The following ZFHX4 variants were observed in gnomAD, a reference collection of about 807,000 sequenced individuals.
ZFHX4 encodes zinc finger homeobox 4.
Under a neutral mutation model 267.6 loss-of-function variants are expected in ZFHX4, and 56 were observed. The ratio of observed to expected loss-of-function variants is 0.21; its 90% CI spans 0.17 to 0.26. The LOEUF is 0.26. ZFHX4 is among the 10% of genes least tolerant of loss of function. The pLI is 1.00. For missense variants in ZFHX4, 4,332 were observed against 4,420.0 expected, an observed-to-expected ratio of 0.98 and a Z score of 0.56; for synonymous variants, 1,778 against 1,665.6, an observed-to-expected ratio of 1.07 and a Z score of -1.64.
intron 3 of ZFHX4, among the ~76,000 whole-genome samples, chr8:76,739,240 T>C (rs1809252479): frequency 6.6e-6 from 1 of 152,186 alleles, no homozygotes; most frequent in Non-Finnish European, 1.5e-5. Flanking sequence ...TTCCTTTTTT[T>C]AAAAGTCCAT....
intron 1 of ZFHX4, among the ~76,000 whole-genome samples, chr8:76,683,471 GAC>G (rs1302374201): frequency 6.6e-6 from 1 of 150,862 alleles, no homozygotes; most frequent in East Asian, 2.0e-4. Context: ...GATTGACACT[GAC>G]TCAGACAGAG....
intron 4 of ZFHX4, among the ~76,000 whole-genome samples, chr8:76,829,035 C>T (rs1054124947): frequency 2.6e-5 from 4 of 152,096 alleles, no homozygotes; most frequent in Non-Finnish European, 5.9e-5. Context: ...TGCTTGGCAA[C>T]TTGAACATAT....
chr8:76,827,792 A>G (rs1362758379), intron 4 of ZFHX4, among the ~76,000 whole-genome samples: 1 of 152,206 alleles, frequency 6.6e-6, no homozygotes, highest in Non-Finnish European at 1.5e-5. Context: ...CTCCCTTACT[A>G]TATAAAAATA....
At chr8:76,805,092 T>G (rs901920749) in intron 4 of ZFHX4, among the ~76,000 whole-genome samples, 1 of 152,118 alleles carries the variant, frequency 6.6e-6, no homozygotes, top group Non-Finnish European at 1.5e-5. Context: ...GCTGAACTAA[T>G]CAGTGGCATA....
intron 4 of ZFHX4, among the ~76,000 whole-genome samples, chr8:76,783,169 T>C (rs1256419890): frequency 6.6e-6 from 1 of 152,030 alleles, no homozygotes; most frequent in Non-Finnish European, 1.5e-5. Flanking sequence ...CTTATAAAGA[T>C]AATTATTACT....
chr8:76,798,056 T>TA (rs1299360439), intron 4 of ZFHX4, among the ~76,000 whole-genome samples: 7 of 152,104 alleles, frequency 4.6e-5, no homozygotes, highest in South Asian at 4.1e-4. Context: ...ATTGAAACTT[T>TA]AAAAAATTTG....
At chr8:76,700,396 G>A (rs1016876011) in intron 1 of ZFHX4, among the ~76,000 whole-genome samples, 6 of 152,046 alleles carry the variant, frequency 3.9e-5, no homozygotes, top group Admixed American at 2.0e-4. Context: ...TCACTGGACC[G>A]TAGAAGAGGG....
intron 10 of ZFHX4, 91 bp downstream of exon 10, chr8:76,856,391 C>A: frequency 1.4e-6 from 2 of 1,418,904 alleles, no homozygotes; most frequent in South Asian, 1.2e-5. Context: ...CTTTGGATTT[C>A]TTTTAATTTC....
At chr8:76,787,738 G>A (rs1209056513) in intron 4 of ZFHX4, among the ~76,000 whole-genome samples, 3 of 151,748 alleles carry the variant, frequency 2.0e-5, no homozygotes, top group African/African-American at 4.8e-5. Context: ...GCGTGAACCC[G>A]GGAGGCAGAG....
intron 3 of ZFHX4, among the ~76,000 whole-genome samples, chr8:76,709,411 A>G (rs1429932075): frequency 6.6e-6 from 1 of 152,168 alleles, no homozygotes; most frequent in Non-Finnish European, 1.5e-5. Context: ...AATATAATAT[A>G]AAGGATTAAT....
chr8:76,705,399 G>T lies in ZFHX4; in HGVS notation c.1311G>T (p.Glu437Asp). The part of the protein sequence containing the change: ...HSSSESSKMS[E>D]SKDQENNCER... Reference sequence around the variant, plus strand: ...CGTCTGAGTCTAGCAAGATGTCAGAGAGCAAAGACCAAGAGAACAACTGTG... The same window carrying T: ...CGTCTGAGTCTAGCAAGATGTCAGATAGCAAAGACCAAGAGAACAACTGTG... Residue 437 changes from glutamate to aspartate, a missense_variant, in exon 2 of 11, where the codon GAG (glutamate) becomes GAT (aspartate). Glu to Asp is a conservative substitution (Grantham distance 45). Transcript: ENST00000651372. The T allele has an allele frequency of 6.2e-7, 1 of 1,613,848 alleles. No individual in the cohort carries two copies. The highest frequency in any genetic ancestry group is 8.5e-7 in the Non-Finnish European group (1 of 1,179,882).
intron 4 of ZFHX4, among the ~76,000 whole-genome samples, chr8:76,802,154 T>C: frequency 6.6e-6 from 1 of 152,178 alleles, no homozygotes; most frequent in East Asian, 1.9e-4. Flanking sequence ...GCTGCTGTTC[T>C]TCCCTCTTTC....
chr8:76,807,078 C>G (rs910088448), intron 4 of ZFHX4, among the ~76,000 whole-genome samples: 1 of 152,078 alleles, frequency 6.6e-6, no homozygotes, highest in African/African-American at 2.4e-5. Flanking sequence ...GCATCATGCA[C>G]TTTTTAGTAA....
chr8:76,789,429 A>T (rs917310472), intron 4 of ZFHX4, among the ~76,000 whole-genome samples: 2 of 152,206 alleles, frequency 1.3e-5, no homozygotes, highest in East Asian at 3.8e-4. Flanking sequence ...ATATGTGCAT[A>T]TCACGGTAGG....
At chr8:76,862,408 C>A (rs1812894672) in intron 10 of ZFHX4, among the ~76,000 whole-genome samples, 2 of 152,146 alleles carry the variant, frequency 1.3e-5, no homozygotes. Flanking sequence ...GGCAAGTTGT[C>A]AGGATGGTAA....
In ZFHX4 at chr8:76,714,284, G is replaced by C. The variant is rs190859671; in HGVS notation, c.3093+6236G>C. Among the ~76,000 whole-genome samples, 19 of 152,310 alleles carry C rather than the reference G, an allele frequency of 1.2e-4. No individual in the cohort carries two copies. The South Asian group carries it at 3.3e-3, about 27-fold the overall frequency. ...GACGCCATGCCATAATGCAGTGAAAGTCATATGTTAACCAGGCCTCACACT... is the reference window on the plus strand; with the variant it reads ...GACGCCATGCCATAATGCAGTGAAACTCATATGTTAACCAGGCCTCACACT... On this transcript the variant is annotated intron_variant, in intron 3 of 10. Coordinates refer to ENST00000651372, the MANE Select transcript of ZFHX4 (RefSeq NM_024721.5).
chr8:76,859,030 A>G (rs1024964237), intron 10 of ZFHX4, among the ~76,000 whole-genome samples: 6 of 152,310 alleles, frequency 3.9e-5, no homozygotes, highest in South Asian at 4.1e-4. Context: ...CTCAAAGGCT[A>G]CGCCCCAAAA....
intron 3 of ZFHX4, among the ~76,000 whole-genome samples, chr8:76,739,642 G>T (rs1394760927): frequency 6.6e-6 from 1 of 152,056 alleles, no homozygotes; most frequent in Non-Finnish European, 1.5e-5. Flanking sequence ...AAAGATGGGG[G>T]TAAGCAGGGA....
intron 5 of ZFHX4, among the ~76,000 whole-genome samples, chr8:76,840,919 C>G (rs1422027004): frequency 1.3e-5 from 2 of 152,166 alleles, no homozygotes; most frequent in Non-Finnish European, 2.9e-5. Flanking sequence ...GAGGAGGGAG[C>G]CTGTGTTTGA....
Sources: gnomAD v4.1 joint callset for allele counts (sites outside exome capture counted in the v4.1 genomes callset) on GRCh38, gnomAD v4.1.1 for gene constraint, MANE v1.5 for transcripts, NCBI Gene and HGNC (gene_info 2026-07-23, HGNC 2026-07-21) for gene names.